LZTS1: variants seen among roughly 807,000 people sequenced by gnomAD.
LZTS1 encodes the protein leucine zipper tumor suppressor 1.
Under a neutral mutation model 45.8 loss-of-function variants are expected in LZTS1, and 31 were observed. That is an observed-to-expected ratio of 0.68 (90% CI 0.51 to 0.91). LZTS1 has a LOEUF of 0.91. Among genes scored for constraint, LZTS1 ranks in the 40% least tolerant of loss-of-function variants. LZTS1 has a pLI of 0.00. For synonymous variants in LZTS1, 359 were observed against 357.3 expected, an observed-to-expected ratio of 1.00 and a Z score of -0.05; for missense variants, 821 against 788.9, an observed-to-expected ratio of 1.04 and a Z score of -0.49.
At chr8:20,295,044 G>A (rs1415792284) in intron 1 of LZTS1, among the ~76,000 whole-genome samples, 1 of 152,028 alleles carries the variant, frequency 6.6e-6, no homozygotes, top group Non-Finnish European at 1.5e-5. Context: ...AGCTTGGGAT[G>A]GCATGAGTTC....
Position 20,250,025 on chromosome 8 carries a change from G to A in LZTS1, c.1488C>T (p.Asp496=), listed in dbSNP as rs370252646. 44 of 1,611,222 alleles carry A rather than the reference G, an allele frequency of 2.7e-5. No homozygotes were observed. Among genetic ancestry groups the A allele is most frequent in the Admixed American group, 6.7e-5 (4 of 59,958 alleles). ...RDMGPPTFPE[D]VPALQRELER... is the part of the protein sequence containing the mutation. The stretch of plus-strand genomic sequence containing the variant: ...CCAGCTCCCGCTGCAGGGCAGGGAC[G>A]TCCTCGGGGAAGGTGGGCGGCCCCA... The change falls in exon 4 of 4, where the codon GAC becomes GAT. Residue 496 remains aspartate, a synonymous_variant. Transcript: ENST00000381569.
intron 2 of LZTS1, 31 bp downstream of exon 2, chr8:20,254,806 C>A (rs746537461): frequency 1.3e-6 from 2 of 1,559,212 alleles, no homozygotes; most frequent in East Asian, 2.3e-5. Flanking sequence ...CGTTTCCAAC[C>A]CACTTACCCT....
At chr8:20,261,488 C>T (rs1167004812) in intron 1 of LZTS1, among the ~76,000 whole-genome samples, 4 of 152,144 alleles carry the variant, frequency 2.6e-5, no homozygotes, top group Non-Finnish European at 5.9e-5. Flanking sequence ...TGCAGAAAGC[C>T]CTCACTTTTG....
At chr8:20,290,083 C>G (rs768582100) in intron 1 of LZTS1, 5 of 152,312 alleles carry the variant, frequency 3.3e-5, no homozygotes, top group Non-Finnish European at 7.3e-5. Context: ...CATCCCCTCT[C>G]CTGGGCATTC....
chr8:20,271,114 G>A (rs550774937), intron 1 of LZTS1, among the ~76,000 whole-genome samples: 1 of 152,272 alleles, frequency 6.6e-6, no homozygotes, highest in South Asian at 2.1e-4. Context: ...CAGGAAGCCT[G>A]TGGCCATTCC....
chr8:20,249,663 C>T lies in LZTS1; in HGVS notation c.*59G>A, dbSNP rs1291127338. The T allele has an allele frequency of 1.3e-6, 2 of 1,544,696 alleles. No individual in the cohort carries two copies. The highest frequency in any genetic ancestry group is 2.7e-5 in the African/African-American group (2 of 73,800). ...TCTGAATTGCTGAGCAGGGGGGATG[C>T]ACGGGAGAGCCCTGCCTCCCAGTGC... On this transcript the variant is annotated 3_prime_UTR_variant, in exon 4 of 4. Coordinates refer to ENST00000381569, the MANE Select transcript of LZTS1 (RefSeq NM_021020.5).
chr8:20,268,177 C>T (rs1247999546), intron 1 of LZTS1, among the ~76,000 whole-genome samples: 2 of 139,074 alleles, frequency 1.4e-5, no homozygotes, highest in East Asian at 4.3e-4. Context: ...CCCACCCCCA[C>T]CCCCACTCCC....
chr8:20,273,941 C>T lies in LZTS1; in HGVS notation c.-134-18626G>A, dbSNP rs1213222801. Among the ~76,000 whole-genome samples, 9 of 152,182 alleles carry T rather than the reference C, an allele frequency of 5.9e-5. No homozygotes were observed. The South Asian group carries it at 1.9e-3, about 32-fold the overall frequency. On this transcript the variant is annotated intron_variant, in intron 1 of 3. Coordinates refer to ENST00000381569, the MANE Select transcript of LZTS1 (RefSeq NM_021020.5). ...CTCTCCTCCCCTCCCCAGGCCTGCC[C>T]GCCCTCTATTCTGAGACTGGAGTTT...
intron 1 of LZTS1, among the ~76,000 whole-genome samples, chr8:20,295,290 C>T (rs923814183): frequency 6.6e-5 from 10 of 152,242 alleles, no homozygotes; most frequent in Non-Finnish European, 1.3e-4. Flanking sequence ...ACAAGGACCA[C>T]AGGTCTCTTA....
chr8:20,252,722 AGG>A, intron 3 of LZTS1, 58 bp downstream of exon 3: 1 of 1,407,692 alleles, frequency 7.1e-7, no homozygotes, highest in Non-Finnish European at 9.5e-7. Context: ...CCAGAAGGAG[AGG>A]GGGGTACTGG....
chr8:20,277,640 C>A (rs1800610640), intron 1 of LZTS1, among the ~76,000 whole-genome samples: 1 of 152,184 alleles, frequency 6.6e-6, no homozygotes, highest in African/African-American at 2.4e-5. Flanking sequence ...TGGATTTTCA[C>A]TTTGTAGGCT....
At chr8:20,303,181 C>T (rs1304563585) in intron 1 of LZTS1, among the ~76,000 whole-genome samples, 1 of 152,170 alleles carries the variant, frequency 6.6e-6, no homozygotes, top group Non-Finnish European at 1.5e-5. Context: ...TACCACCTTC[C>T]TCTCTAACCA....
chr8:20,275,071 G>C (rs1484367144), intron 1 of LZTS1, among the ~76,000 whole-genome samples: 1 of 152,092 alleles, frequency 6.6e-6, no homozygotes, highest in Non-Finnish European at 1.5e-5. Context: ...AGATACTAAT[G>C]TGTGTGGAAG....
rs527759585 is a variant in LZTS1, at chr8:20,251,098, AATATATATATATATATATATAT to A, written c.1150-757_1150-736del. On this transcript the variant is annotated intron_variant, in intron 3 of 3. Coordinates refer to ENST00000381569, the MANE Select transcript of LZTS1 (RefSeq NM_021020.5). ...TGGTGAAGTGACCAGCCTGAGGGCT[AATATATATATATATATATATAT>A]ATATATATATATATATATATATATA... 8.9e-3 allele frequency among the ~76,000 whole-genome samples: 367 copies of A among 41,390 alleles called. 17 individuals are homozygous for A. The East Asian group carries it at 0.11, about 12-fold the overall frequency. The allele number at this position is 41,390 out of a possible 152,430, so 27.2% of individuals were successfully genotyped here.
chr8:20,263,587 G>A (rs1800289711), intron 1 of LZTS1, among the ~76,000 whole-genome samples: 1 of 152,160 alleles, frequency 6.6e-6, no homozygotes, highest in South Asian at 2.1e-4. Flanking sequence ...CTTCCCTTCA[G>A]GAGCTGGAGA....
At position 20,250,169 on chromosome 8, in the gene LZTS1, C is replaced by A. The variant is rs762226931; in HGVS notation, c.1344G>T (p.Glu448Asp). The A allele has an allele frequency of 2.1e-5, 34 of 1,610,536 alleles. No homozygotes were observed. The highest frequency in any genetic ancestry group is 2.9e-5 in the Non-Finnish European group (34 of 1,179,664). Residue 448 changes from glutamate (E) to aspartate (D), a missense_variant, in exon 4 of 4, where the codon GAG (glutamate) becomes GAT (aspartate). By Grantham distance (45) the Glu-to-Asp change is conservative. Transcript: ENST00000381569. Reference sequence around the variant, plus strand: ...TGCGCTGCAGCTCATTCTCACAGACCTCCAGCTCCAGGCCCTTGGTGCGCA... The same window carrying A: ...TGCGCTGCAGCTCATTCTCACAGACATCCAGCTCCAGGCCCTTGGTGCGCA... ...GALRTKGLEL[E>D]VCENELQRKK...
intron 1 of LZTS1, among the ~76,000 whole-genome samples, chr8:20,263,799 G>A (rs1176940423): frequency 4.6e-5 from 7 of 152,122 alleles, no homozygotes; most frequent in Non-Finnish European, 7.4e-5. Flanking sequence ...AGGGCTCAGG[G>A]AACAGTGTCT....
At chr8:20,280,501 A>G (rs1800666900) in intron 1 of LZTS1, among the ~76,000 whole-genome samples, 1 of 152,156 alleles carries the variant, frequency 6.6e-6, no homozygotes, top group South Asian at 2.1e-4. Flanking sequence ...CCGCTGCCAC[A>G]TGCACGGAGG....
chr8:20,276,867 G>A (rs762272943), intron 1 of LZTS1, among the ~76,000 whole-genome samples: 11 of 152,322 alleles, frequency 7.2e-5, no homozygotes, highest in African/African-American at 2.4e-4. Context: ...TGATTGTTAC[G>A]GTGTTAGATC....
Sources: gnomAD v4.1 joint callset for allele counts (sites outside exome capture counted in the v4.1 genomes callset) on GRCh38, gnomAD v4.1.1 for gene constraint, MANE v1.5 for transcripts, NCBI Gene and HGNC (gene_info 2026-07-23, HGNC 2026-07-21) for gene names.